Variants in GRK2 observed in about 807,000 individuals in gnomAD.
GRK2 encodes the protein G protein-coupled receptor kinase 2.
A neutral mutation model predicts 97.8 loss-of-function variants in GRK2; 23 were observed. The ratio of observed to expected loss-of-function variants is 0.24; its 90% confidence interval spans 0.17 to 0.33. GRK2 has a LOEUF of 0.33. Ranked by LOEUF, GRK2 falls within the 10% of genes least tolerant of loss-of-function variation. GRK2 has a pLI of 1.00. For synonymous variants in GRK2, 425 were observed against 381.7 expected (o/e 1.11, Z -1.32); for missense variants, 633 against 956.9 (o/e 0.66, Z 4.47).
At position 67,278,272 on chromosome 11, in the gene GRK2, G is replaced by A. The variant is rs531706979; in HGVS notation, c.190+924G>A. Among the ~76,000 whole-genome samples, 23 of 152,334 alleles carry A rather than the reference G, an allele frequency of 1.5e-4. No homozygotes were observed. In the South Asian group the frequency reaches 4.8e-3, roughly 32 times the overall value. On this transcript the variant is annotated intron_variant, in intron 2 of 20. Coordinates refer to ENST00000308595, the MANE Select transcript of GRK2 (RefSeq NM_001619.5). The stretch of plus-strand genomic sequence containing the variant: ...AGGTGCCCAGGCAGTGCCCCCGAAG[G>A]CATGAGAGGCCACCCAGCTCGAGCC...
chr11:67,282,363 C>T lies in GRK2; in HGVS notation c.1050C>T (p.Ser350=), dbSNP rs200776715. The T allele has an allele frequency of 3.2e-5, 52 of 1,613,420 alleles. No individual in the cohort carries two copies. The East Asian group carries it at 6.5e-4, about 20-fold the overall frequency. The change falls in exon 12 of 21, where the codon AGC becomes AGT. Residue 350 remains serine (S), a splice_region_variant and synonymous_variant. Transcript: ENST00000308595. The surrounding 1 kb of genome is among the most constrained non-coding windows in gnomAD (Gnocchi z 6.9). The part of the protein sequence containing the change: ...CDFSKKKPHA[S]VGTHGYMAPE... ...TCTCCAAGAAGAAGCCCCATGCCAG[C>T]GTGTGAGTGCCCCCCACCCTCTCCC...
At chr11:67,284,797 AAAAG>A (rs1009728366) in intron 18 of GRK2, 46 bp from the exon 19 acceptor site, 7 of 1,589,692 alleles carry the variant, frequency 4.4e-6, no homozygotes, top group Non-Finnish European at 6.0e-6. Flanking sequence ...CTCAAAACAA[AAAAG>A]AAACCCAGGT....
rs1860162124 is a variant in GRK2, at chr11:67,281,966, C to T, written c.957+14C>T. On this transcript the variant is annotated intron_variant, in intron 11 of 20. Coordinates refer to ENST00000308595, the MANE Select transcript of GRK2 (RefSeq NM_001619.5). The surrounding 1 kb of genome is among the most constrained non-coding windows in gnomAD (Gnocchi z 5.7). ...CGGGACCTGAAGGTGAGCGCCCCTG[C>T]TGTCCCCAGGCTGGACCTCCGTGGC... 5 of 1,613,148 alleles carry T rather than the reference C, an allele frequency of 3.1e-6. No individual in the cohort carries two copies. Among genetic ancestry groups the T allele is most frequent in the Non-Finnish European group, 4.2e-6 (5 of 1,179,934 alleles).
intron 1 of GRK2, among the ~76,000 whole-genome samples, chr11:67,274,408 C>T (rs573881508): frequency 4.5e-4 from 68 of 150,876 alleles, no homozygotes; most frequent in African/African-American, 1.3e-3. Context: ...GGACAATGCC[C>T]GGCTCCTGGT....
chr11:67,268,231 G>A (rs1859838394), intron 1 of GRK2, among the ~76,000 whole-genome samples: 2 of 152,228 alleles, frequency 1.3e-5, no homozygotes, highest in African/African-American at 2.4e-5. Context: ...ACGCTGCAGG[G>A]GTGCCCCATG....
rs1860283809 is a variant in GRK2 at position 67,286,380 on chromosome 11, C to T, written c.*930C>T. 1 of 699,220 alleles carries T rather than the reference C, an allele frequency of 1.4e-6. No individual in the cohort carries two copies. The highest frequency in any genetic ancestry group is 1.8e-5 in the African/African-American group (1 of 56,980). The allele number at this position is 699,220 out of a possible 1,614,324, so 43.3% of individuals were successfully genotyped here. A position where few individuals can be genotyped will look rare whatever the true frequency, so the allele number is the denominator to read the frequency against. ...TGCCGCCGCCTCGCCCACCGCATGC[C>T]CCCTCGTGCCAGTCGCGCTGCCTGT... On this transcript the variant is annotated 3_prime_UTR_variant, in exon 21 of 21. Transcript: ENST00000308595.
chr11:67,277,545 G>A (rs1053153444), intron 2 of GRK2, among the ~76,000 whole-genome samples, 197 bp downstream of exon 2: 4 of 152,256 alleles, frequency 2.6e-5, no homozygotes, highest in Admixed American at 2.0e-4. Context: ...GGCCCAGGGA[G>A]CCCCGTGGTG....
At chr11:67,279,541 TGTGTGCTGGCCCA>T in intron 4 of GRK2, 22 bp downstream of exon 4, 1 of 1,612,474 alleles carries the variant, frequency 6.2e-7, no homozygotes, top group Non-Finnish European at 8.5e-7. Context: ...CAGCTGGCCC[TGTGTGCTGGCCCA>T]GAGTCACCTG....
chr11:67,279,664 C>T lies in GRK2; in HGVS notation c.405C>T (p.His135=). 6.2e-7 allele frequency: 1 copy of T among 1,613,626 alleles called. No homozygotes were observed. ...SKSATEHVQG[H]LGKKQVPPDL... ...GTGCCACTGAGCATGTCCAAGGCCA[C>T]CTGGGGAAGAAGCAGGTGCCTCCGG... Residue 135 remains histidine, a synonymous_variant, in exon 5 of 21, where the codon CAC becomes CAT. Transcript: ENST00000308595.
intron 15 of GRK2, chr11:67,283,443 C>T: frequency 1.6e-6 from 1 of 611,334 alleles, no homozygotes; most frequent in Non-Finnish European, 2.9e-6. Context: ...TCCAGAGGGG[C>T]CCTTGTCACA....
Position 67,281,531 on chromosome 11 carries a change from C to T in GRK2, c.720C>T (p.Arg240=), listed in dbSNP as rs1258228411. 1.9e-6 allele frequency: 3 copies of T among 1,613,608 alleles called. No homozygotes were observed. Among genetic ancestry groups the T allele is most frequent in the East Asian group, 2.2e-5 (1 of 44,882 alleles). Residue 240 remains arginine (R), a synonymous_variant, in exon 9 of 21, where the codon CGC becomes CGT. Coordinates refer to ENST00000308595, the MANE Select transcript of GRK2 (RefSeq NM_001619.5). This position sits in a 1 kb window ranked among gnomAD's most constrained non-coding sequence, Gnocchi z 5.7. ...GGGAGACCCTGGCCCTGAACGAGCG[C>T]ATCATGCTCTCGCTCGTCAGCACTG... ...KQGETLALNE[R]IMLSLVSTGD...
chr11:67,285,549 T>G lies in GRK2; in HGVS notation c.*99T>G. ...AAAAGGTTTTATTTTGTAATTATTG[T>G]GATTTCCCGTGGCCCCAGCCTGGCC... is the stretch of plus-strand genomic sequence containing the variant. On this transcript the variant is annotated 3_prime_UTR_variant, in exon 21 of 21. Coordinates refer to ENST00000308595, the MANE Select transcript of GRK2 (RefSeq NM_001619.5). The G allele has an allele frequency of 7.3e-7, 1 of 1,371,720 alleles. No individual in the cohort carries two copies. The highest frequency in any genetic ancestry group is 9.5e-7 in the Non-Finnish European group (1 of 1,047,878). 85.0% of individuals were successfully genotyped at this position (1,371,720 alleles called of 1,614,324 possible).
At chr11:67,284,563 T>C in intron 18 of GRK2, 190 bp downstream of exon 18, 2 of 729,746 alleles carry the variant, frequency 2.7e-6, no homozygotes, top group Non-Finnish European at 4.4e-6. Context: ...GGAGCGCAGA[T>C]CACTTGAGGT....
chr11:67,284,138 G>A (rs765623142), intron 17 of GRK2, 73 bp from the exon 18 acceptor site: 21 of 1,589,362 alleles, frequency 1.3e-5, no homozygotes, highest in Non-Finnish European at 1.8e-5. Flanking sequence ...CCCTGGGTCT[G>A]GGCAGCCTGT....
At chr11:67,268,463 T>A (rs903856466) in intron 1 of GRK2, among the ~76,000 whole-genome samples, 3 of 151,772 alleles carry the variant, frequency 2.0e-5, no homozygotes, top group Non-Finnish European at 2.9e-5. Context: ...CAGAAATGAG[T>A]TCAGAAATGA....
rs145047229 is a variant in GRK2, at chr11:67,285,387, C to T, written c.2007C>T (p.Arg669=). The part of the protein sequence containing the change: ...QRVPKMKNKP[R]SPVVELSKVP... ...TGCCCAAGATGAAGAACAAGCCGCG[C>T]TCGCCCGTGGTGGAGCTGAGCAAGG... is the stretch of plus-strand genomic sequence containing the variant. Residue 669 remains arginine (R), a synonymous_variant, in exon 21 of 21, where the codon CGC becomes CGT. Coordinates refer to ENST00000308595, the MANE Select transcript of GRK2 (RefSeq NM_001619.5). The T allele has an allele frequency of 3.5e-5, 57 of 1,609,404 alleles. 1 individual carries two copies. The African/African-American group carries it at 6.1e-4, about 17-fold the overall frequency.
intron 1 of GRK2, among the ~76,000 whole-genome samples, chr11:67,271,581 A>G (rs1310290737): frequency 1.3e-5 from 2 of 152,210 alleles, no homozygotes; most frequent in African/African-American, 4.8e-5. Context: ...GTGGGTGCTC[A>G]TGTCATATTT....
chr11:67,286,553 C>G lies in GRK2; in HGVS notation c.*1103C>G. The G allele has an allele frequency of 1.4e-6, 1 of 700,584 alleles. No homozygotes were observed. Among genetic ancestry groups the G allele is most frequent in the Admixed American group, 2.0e-5 (1 of 49,932 alleles). The allele number at this position is 700,584 out of a possible 1,614,324, so 43.4% of individuals were successfully genotyped here. A position where few individuals can be genotyped will look rare whatever the true frequency, so the allele number is the denominator to read the frequency against. On this transcript the variant is annotated 3_prime_UTR_variant, in exon 21 of 21. Coordinates refer to ENST00000308595, the MANE Select transcript of GRK2 (RefSeq NM_001619.5). ...TATGCGTTTTTATAAAAAATGGTGCCTGATTCGGCTGTCTCAGACTCTTTT... is the reference window on the plus strand; with the variant it reads ...TATGCGTTTTTATAAAAAATGGTGCGTGATTCGGCTGTCTCAGACTCTTTT...
rs745736898 is a variant in GRK2 at position 67,285,476 on chromosome 11, T to C, written c.*26T>C. ...CCCGCCCACCCGCCTTTTATAAACC[T>C]CTAATTTATTTTGTCGAATTTTTAT... On this transcript the variant is annotated 3_prime_UTR_variant, in exon 21 of 21. Transcript: ENST00000308595. 2 of 1,509,286 alleles carry C rather than the reference T, an allele frequency of 1.3e-6. No individual in the cohort carries two copies. The highest frequency in any genetic ancestry group is 1.8e-6 in the Non-Finnish European group (2 of 1,131,700). 93.5% of individuals were successfully genotyped at this position (1,509,286 alleles called of 1,614,324 possible). A position where few individuals can be genotyped will look rare whatever the true frequency, so the allele number is the denominator to read the frequency against.
Sources: allele counts gnomAD v4.1 joint callset (sites outside exome capture counted in the v4.1 genomes callset), GRCh38; gene constraint gnomAD v4.1.1; non-coding constraint Gnocchi (gnomAD v3.1); transcripts MANE v1.5; gene names NCBI Gene and HGNC (gene_info 2026-07-23, HGNC 2026-07-21).